Variants in ICA1L observed in about 807,000 individuals in gnomAD.
The protein encoded by ICA1L is islet cell autoantigen 1-like protein.
In ICA1L, 50 loss-of-function variants were observed where a neutral mutation model predicts 61.3. The ratio of observed to expected loss-of-function variants is 0.82; its 90% CI spans 0.65 to 1.03. ICA1L has a LOEUF of 1.03. Ranked by LOEUF, ICA1L falls within the 50% of genes least tolerant of loss-of-function variation. The pLI is 0.00. For synonymous variants in ICA1L, 161 were observed against 191.3 expected (o/e 0.84, Z 1.31); for missense variants, 508 against 556.7 (o/e 0.91, Z 0.88).
intron 12 of ICA1L, among the ~76,000 whole-genome samples, chr2:202,780,096 T>C (rs1396602546): frequency 6.6e-6 from 1 of 152,208 alleles, no homozygotes; most frequent in East Asian, 1.9e-4. Context: ...AGATCACTTA[T>C]AGAAGACTCT....
At chr2:202,840,429 A>G (rs931793864) in intron 1 of ICA1L, 5 of 491,236 alleles carry the variant, frequency 1.0e-5, no homozygotes, top group Non-Finnish European at 2.0e-5. Context: ...GTGTGGCTGA[A>G]GGAGATGGAG....
At chr2:202,852,010 A>G (rs929811534) in intron 1 of ICA1L, among the ~76,000 whole-genome samples, 1 of 152,092 alleles carries the variant, frequency 6.6e-6, no homozygotes, top group Non-Finnish European at 1.5e-5. Flanking sequence ...CTTTAGTTTA[A>G]TTAGATCCCA....
intron 1 of ICA1L, among the ~76,000 whole-genome samples, chr2:202,855,039 T>A (rs1348101098): frequency 6.6e-6 from 1 of 152,172 alleles, no homozygotes; most frequent in East Asian, 1.9e-4. Flanking sequence ...AATCTGCTCC[T>A]GAACGACTAC....
intron 1 of ICA1L, among the ~76,000 whole-genome samples, chr2:202,856,052 GAC>G (rs1264924421): frequency 7.8e-6 from 1 of 128,692 alleles, no homozygotes; most frequent in Non-Finnish European, 1.6e-5. Context: ...TAGCCTGGGT[GAC>G]AAAGCGAGAC....
intron 3 of ICA1L, chr2:202,825,342 C>T (rs562871328): frequency 3.1e-5 from 6 of 190,830 alleles, no homozygotes; most frequent in East Asian, 1.6e-4. Flanking sequence ...TGGTGGCACA[C>T]GCCTGTAATC....
intron 1 of ICA1L, chr2:202,871,133 A>T (rs1202021107): frequency 1.3e-5 from 2 of 152,272 alleles, no homozygotes; most frequent in African/African-American, 4.8e-5. Context: ...TTCCCATTAC[A>T]AAATAATAGC....
At chr2:202,808,635 A>G (rs1223427572) in intron 9 of ICA1L, among the ~76,000 whole-genome samples, 3 of 152,228 alleles carry the variant, frequency 2.0e-5, no homozygotes, top group Non-Finnish European at 4.4e-5. Flanking sequence ...CAGTGGTAAC[A>G]GGAGGCCCAG....
chr2:202,801,925 G>A (rs894033332), intron 9 of ICA1L, among the ~76,000 whole-genome samples: 2 of 152,162 alleles, frequency 1.3e-5, no homozygotes, highest in African/African-American at 2.4e-5. Context: ...TAGGCCTCTA[G>A]GAGTCCCACA....
intron 1 of ICA1L, among the ~76,000 whole-genome samples, chr2:202,861,883 C>CA (rs71030996): frequency 0.47 from 19,126 of 40,692 alleles, 4,628 homozygotes; most frequent in East Asian, 0.63. Flanking sequence ...GATTCAGACT[C>CA]AAAAAAAAAA....
intron 1 of ICA1L, among the ~76,000 whole-genome samples, chr2:202,851,230 C>T (rs1364783193): frequency 6.7e-6 from 1 of 148,424 alleles, no homozygotes; most frequent in Non-Finnish European, 1.5e-5. Context: ...TCTCATTGTT[C>T]AATTCCCACC....
chr2:202,856,466 T>C (rs530187902), intron 1 of ICA1L, among the ~76,000 whole-genome samples: 1 of 152,310 alleles, frequency 6.6e-6, no homozygotes, highest in East Asian at 1.9e-4. Context: ...AACTAGCTAT[T>C]GATGGAACAT....
At chr2:202,823,172 T>A (rs1007378796) in intron 3 of ICA1L, among the ~76,000 whole-genome samples, 2 of 152,168 alleles carry the variant, frequency 1.3e-5, no homozygotes, top group African/African-American at 4.8e-5. Context: ...AGGCTGAGTC[T>A]GTGCTGCTTC....
chr2:202,785,133 CG>C (rs1211114955), intron 12 of ICA1L, among the ~76,000 whole-genome samples: 2 of 150,948 alleles, frequency 1.3e-5, no homozygotes, highest in African/African-American at 4.9e-5. Flanking sequence ...GCAGGAGAAT[CG>C]CTTGGACCCA....
intron 1 of ICA1L, among the ~76,000 whole-genome samples, chr2:202,856,943 C>A (rs552508919): frequency 3.4e-4 from 51 of 152,238 alleles, no homozygotes; most frequent in Non-Finnish European, 6.3e-4. Flanking sequence ...AGCACCTCTT[C>A]AAGGAGAACT....
At chr2:202,826,586 C>A (rs1305950331) in intron 2 of ICA1L, among the ~76,000 whole-genome samples, 4 of 152,150 alleles carry the variant, frequency 2.6e-5, no homozygotes, top group African/African-American at 2.4e-5. Flanking sequence ...ATTCTTCTGG[C>A]TCAACCTCCT....
chr2:202,789,124 AT>A, intron 10 of ICA1L, 37 bp from the exon 11 acceptor site: 1 of 1,528,650 alleles, frequency 6.5e-7, no homozygotes, highest in Non-Finnish European at 8.9e-7. Flanking sequence ...GGCTTTTTTG[AT>A]TTTAGGAAAT....
Position 202,774,520 on chromosome 2 carries a change from G to A in ICA1L, c.*5013C>T, listed in dbSNP as rs1039448737. 1.6e-5 allele frequency: 7 copies of A among 424,834 alleles called. No individual in the cohort carries two copies. Among genetic ancestry groups the A allele is most frequent in the Non-Finnish European group, 2.9e-5 (7 of 241,954 alleles). 26.3% of individuals were successfully genotyped at this position (424,834 alleles called of 1,614,324 possible). The stretch of plus-strand genomic sequence containing the variant: ...TATGGTCAGTGAGGTTTAGCCACAA[G>A]AGATATCACAGGAGAGACACAGGAA... On this transcript the variant is annotated 3_prime_UTR_variant, in exon 13 of 13. Coordinates refer to ENST00000358299, the MANE Select transcript of ICA1L (RefSeq NM_001288622.3).
Position 202,775,780 on chromosome 2 carries a change from A to G in ICA1L, c.*3753T>C, listed in dbSNP as rs934461439. The G allele has an allele frequency of 2.6e-5, 4 of 152,194 alleles. No homozygotes were observed. The highest frequency in any genetic ancestry group is 9.6e-5 in the African/African-American group (4 of 41,456). 9.4% of individuals were successfully genotyped at this position (152,194 alleles called of 1,614,324 possible). A position where few individuals can be genotyped will look rare whatever the true frequency, so the allele number is the denominator to read the frequency against. On this transcript the variant is annotated 3_prime_UTR_variant, in exon 13 of 13. Transcript: ENST00000358299. ...GTGATCTGCCTGCCTTGGCCTCCCA[A>G]AGTGCTGTTATATAGGCGTGAGCTA...
At chr2:202,811,818 T>G (rs1693387764) in intron 8 of ICA1L, 29 bp from the exon 9 acceptor site, 1 of 1,539,216 alleles carries the variant, frequency 6.5e-7, no homozygotes, top group African/African-American at 1.4e-5. Context: ...AAAATGTAGA[T>G]TTTTTGTTAT....
Sources: gnomAD v4.1 joint callset for allele counts (sites outside exome capture counted in the v4.1 genomes callset) on GRCh38, gnomAD v4.1.1 for gene constraint, MANE v1.5 for transcripts, NCBI Gene and HGNC (gene_info 2026-07-23, HGNC 2026-07-21) for gene names.